The following DLEU7 variants were observed in gnomAD, a reference collection of about 807,000 sequenced individuals.
DLEU7 encodes the protein leukemia-associated protein 7.
A neutral mutation model predicts 16.0 loss-of-function variants in DLEU7; 17 were observed. The ratio of observed to expected loss-of-function variants is 1.06; its 90% CI spans 0.73 to 1.59. The LOEUF is 1.59. Among genes scored for constraint, DLEU7 ranks in the 40% most tolerant of loss-of-function variants. DLEU7 has a pLI of 0.00. For synonymous variants in DLEU7, 113 were observed against 139.8 expected, an observed-to-expected ratio of 0.81 and a Z score of 1.35; for missense variants, 308 against 314.9, an observed-to-expected ratio of 0.98 and a Z score of 0.17.
At chr13:50,733,566 G>T (rs375085630) in intron 1 of DLEU7, among the ~76,000 whole-genome samples, 1 of 151,690 alleles carries the variant, frequency 6.6e-6, no homozygotes, top group South Asian at 2.1e-4. Flanking sequence ...CTCCCCACTC[G>T]TTAAGGGGGG....
chr13:50,811,648 A>G (rs890737289), intron 1 of DLEU7, among the ~76,000 whole-genome samples: 1 of 152,136 alleles, frequency 6.6e-6, no homozygotes, highest in African/African-American at 2.4e-5. Context: ...CACTAGCCAC[A>G]TGGCCTGCGG....
chr13:50,757,614 T>C (rs566965106), intron 1 of DLEU7, among the ~76,000 whole-genome samples: 1 of 152,360 alleles, frequency 6.6e-6, no homozygotes, highest in South Asian at 2.1e-4. Flanking sequence ...TCATGCTTGT[T>C]ACTGCAATCG....
intron 1 of DLEU7, among the ~76,000 whole-genome samples, chr13:50,782,244 A>G (rs1253075727): frequency 6.6e-6 from 1 of 152,214 alleles, no homozygotes; most frequent in African/African-American, 2.4e-5. Context: ...ACTAGACTTT[A>G]GTACAGTGAC....
intron 1 of DLEU7, among the ~76,000 whole-genome samples, chr13:50,752,842 G>A (rs1042588909): frequency 6.6e-6 from 1 of 151,924 alleles, no homozygotes; most frequent in African/African-American, 2.4e-5. Flanking sequence ...AGTGTGGAAG[G>A]GGACCCAAGC....
chr13:50,775,966 G>A (rs1167171284), intron 1 of DLEU7, among the ~76,000 whole-genome samples: 1 of 152,086 alleles, frequency 6.6e-6, no homozygotes. Flanking sequence ...TATCAATTGA[G>A]TTTTATTTTC....
intron 1 of DLEU7, among the ~76,000 whole-genome samples, chr13:50,776,901 T>C (rs1305715911): frequency 2.0e-5 from 3 of 152,208 alleles, no homozygotes; most frequent in African/African-American, 7.2e-5. Context: ...TGGTGGCTTA[T>C]AGGTTTTGCT....
chr13:50,787,448 T>A (rs1447293873), intron 1 of DLEU7, among the ~76,000 whole-genome samples: 1 of 152,104 alleles, frequency 6.6e-6, no homozygotes, highest in African/African-American at 2.4e-5. Flanking sequence ...AACACCAGCA[T>A]GTGTTGGGGG....
chr13:50,808,438 G>A (rs1338987765), intron 1 of DLEU7: 1 of 152,154 alleles, frequency 6.6e-6, no homozygotes, highest in Non-Finnish European at 1.5e-5. Context: ...GTCCCTGCAA[G>A]AAGTACCAAG....
rs1593545784 is a variant in DLEU7 at position 50,759,357 on chromosome 13, C to G, written c.460-46117G>C. Among the ~76,000 whole-genome samples, 3 of 152,140 alleles carry G rather than the reference C, an allele frequency of 2.0e-5. No individual in the cohort carries two copies. The South Asian group carries it at 6.2e-4, about 31-fold the overall frequency. ...TCATCTACTGGAAGAATGGCTTGATCCCAATGATCTCTTAGGCCTCCCACA... is the reference window on the plus strand; with the variant it reads ...TCATCTACTGGAAGAATGGCTTGATGCCAATGATCTCTTAGGCCTCCCACA... On this transcript the variant is annotated intron_variant, in intron 1 of 1. Coordinates refer to the DLEU7 transcript ENST00000400393.
At chr13:50,732,900 C>T (rs1450129623) in intron 1 of DLEU7, among the ~76,000 whole-genome samples, 1 of 152,124 alleles carries the variant, frequency 6.6e-6, no homozygotes, top group Non-Finnish European at 1.5e-5. Flanking sequence ...GCAGAGGAGG[C>T]TCCCTGAGCA....
chr13:50,799,010 T>C (rs1169295079), intron 1 of DLEU7, among the ~76,000 whole-genome samples: 2 of 152,192 alleles, frequency 1.3e-5, no homozygotes, highest in Non-Finnish European at 2.9e-5. Context: ...TGAGGATCTT[T>C]GCTCCGAATT....
At chr13:50,735,243 T>C (rs2137720181) in intron 1 of DLEU7, among the ~76,000 whole-genome samples, 1 of 152,208 alleles carries the variant, frequency 6.6e-6, no homozygotes, top group Admixed American at 6.5e-5. Context: ...GGTAGAGCAG[T>C]TAGACAAGAA....
intron 1 of DLEU7, among the ~76,000 whole-genome samples, chr13:50,740,573 GA>G (rs938855765): frequency 6.6e-6 from 1 of 152,072 alleles, no homozygotes; most frequent in African/African-American, 2.4e-5. Flanking sequence ...GACTACACAT[GA>G]GCTGAAATCT....
chr13:50,810,954 C>A (rs1876546071), intron 1 of DLEU7, among the ~76,000 whole-genome samples: 1 of 152,140 alleles, frequency 6.6e-6, no homozygotes, highest in African/African-American at 2.4e-5. Flanking sequence ...GTGTTCTGAA[C>A]ATTTTCAGGA....
intron 1 of DLEU7, among the ~76,000 whole-genome samples, chr13:50,740,021 A>G (rs1478233270): frequency 6.6e-6 from 1 of 152,130 alleles, no homozygotes; most frequent in African/African-American, 2.4e-5. Flanking sequence ...GAGACCACAC[A>G]CTAGTTCATT....
chr13:50,782,105 C>A lies in DLEU7; in HGVS notation c.459+61083G>T, dbSNP rs189712827. Among the ~76,000 whole-genome samples, 63 of 152,164 alleles carry A rather than the reference C, an allele frequency of 4.1e-4. 2 individuals carry two copies. The East Asian group carries it at 0.012, about 28-fold the overall frequency. On this transcript the variant is annotated intron_variant, in intron 1 of 1. Coordinates refer to the DLEU7 transcript ENST00000400393. ...TCAAATGTCATATATTTCAAGAAGC[C>A]TTTCTTAACACTCTCTTCCCTCCGT...
chr13:50,809,533 G>T (rs1415867643), intron 1 of DLEU7, among the ~76,000 whole-genome samples: 2 of 152,118 alleles, frequency 1.3e-5, no homozygotes, highest in African/African-American at 4.8e-5. Context: ...TGCCTGAGGG[G>T]TTGAGATTTC....
chr13:50,793,707 T>C lies in DLEU7; in HGVS notation c.459+49481A>G, dbSNP rs1410605556. 3.3e-5 allele frequency among the ~76,000 whole-genome samples: 5 copies of C among 152,356 alleles called. No individual in the cohort carries two copies. In the South Asian group the frequency reaches 6.2e-4, roughly 19 times the overall value. ...ACTTTTTAATGGGATTGTTTGTTTT[T>C]TGCTCATTGACTTATTTAAGTTCCT... On this transcript the variant is annotated intron_variant, in intron 1 of 1. Coordinates refer to the DLEU7 transcript ENST00000400393.
chr13:50,778,273 A>C (rs991543603), intron 1 of DLEU7, among the ~76,000 whole-genome samples: 1 of 152,172 alleles, frequency 6.6e-6, no homozygotes, highest in African/African-American at 2.4e-5. Flanking sequence ...CTCATTCACT[A>C]TCACAAAAAC....
Sources: gnomAD v4.1 joint callset for allele counts (sites outside exome capture counted in the v4.1 genomes callset) on GRCh38, gnomAD v4.1.1 for gene constraint, MANE v1.5 for transcripts, NCBI Gene and HGNC (gene_info 2026-07-23, HGNC 2026-07-21) for gene names.